Variants in MALRD1 observed in about 807,000 individuals in gnomAD.
MALRD1 encodes the protein MAM and LDL-receptor class A domain-containing protein 1.
Under a neutral mutation model 242.1 loss-of-function variants are expected in MALRD1, and 247 were observed. The observed-to-expected ratio is 1.02, with a 90% CI of 0.92 to 1.13. The LOEUF is 1.13. Ranked by LOEUF, MALRD1 falls within the 50% of genes most tolerant of loss-of-function variation. The pLI is 0.00. For synonymous variants in MALRD1, 995 were observed against 866.6 expected, an observed-to-expected ratio of 1.15 and a Z score of -2.60; for missense variants, 2,989 against 2,533.1, an observed-to-expected ratio of 1.18 and a Z score of -3.86.
At chr10:19,189,714 G>A (rs1252814268) in intron 14 of MALRD1, among the ~76,000 whole-genome samples, 1 of 151,868 alleles carries the variant, frequency 6.6e-6, no homozygotes, top group African/African-American at 2.4e-5. Flanking sequence ...AAAAAAACAC[G>A]TGATCACCTC....
At chr10:19,612,803 A>C (rs1181684553) in intron 35 of MALRD1, among the ~76,000 whole-genome samples, 1 of 151,766 alleles carries the variant, frequency 6.6e-6, no homozygotes, top group Non-Finnish European at 1.5e-5. Context: ...ATCTCATGAG[A>C]ACTCTATTAT....
intron 33 of MALRD1, among the ~76,000 whole-genome samples, chr10:19,591,466 C>G (rs1837778172): frequency 6.8e-6 from 1 of 147,760 alleles, no homozygotes; most frequent in Admixed American, 6.8e-5. Context: ...GCCACACTTA[C>G]TTCTTTCTTT....
At chr10:19,125,317 C>CT (rs1564407871) in intron 7 of MALRD1, among the ~76,000 whole-genome samples, 198 of 77,804 alleles carry the variant, frequency 2.5e-3, no homozygotes, top group African/African-American at 2.2e-3. Flanking sequence ...TTCCTTCCTT[C>CT]CTTCCTTCTT....
chr10:19,307,423 T>A (rs2131978865), intron 21 of MALRD1, among the ~76,000 whole-genome samples: 1 of 151,690 alleles, frequency 6.6e-6, no homozygotes, highest in East Asian at 2.0e-4. Context: ...AGAGCTGAGC[T>A]GAATACAGCT....
intron 29 of MALRD1, among the ~76,000 whole-genome samples, chr10:19,490,320 G>T (rs1350865713): frequency 6.6e-6 from 1 of 151,922 alleles, no homozygotes; most frequent in Non-Finnish European, 1.5e-5. Flanking sequence ...CACAATGTCT[G>T]TTACAATAAA....
Position 19,115,454 on chromosome 10 carries a change from C to T in MALRD1, c.695-8038C>T, listed in dbSNP as rs145065972. 8.9e-3 allele frequency among the ~76,000 whole-genome samples: 1,355 copies of T among 151,622 alleles called. 21 individuals are homozygous for T. The highest frequency in any genetic ancestry group is 0.031 in the African/African-American group (1,297 of 41,314). ...TTTTTTTTTTAAAAGTAAAAAACAACTCATAGAGCTGAATACTGGAAAATA... is the reference window on the plus strand; with the variant it reads ...TTTTTTTTTTAAAAGTAAAAAACAATTCATAGAGCTGAATACTGGAAAATA... On this transcript the variant is annotated intron_variant, in intron 5 of 39. Coordinates refer to ENST00000454679, the MANE Select transcript of MALRD1 (RefSeq NM_001142308.3).
At chr10:19,712,341 G>C (rs1162684796) in intron 38 of MALRD1, among the ~76,000 whole-genome samples, 1 of 152,084 alleles carries the variant, frequency 6.6e-6, no homozygotes, top group South Asian at 2.1e-4. Context: ...ATAACTACAA[G>C]AAAATGCAGT....
intron 33 of MALRD1, among the ~76,000 whole-genome samples, 194 bp from the exon 34 acceptor site, chr10:19,595,000 A>C (rs954105094): frequency 1.3e-5 from 2 of 152,178 alleles, no homozygotes; most frequent in Admixed American, 6.5e-5. Context: ...ATAATTTTTT[A>C]TGTTCCTGAC....
In MALRD1 at chr10:19,615,883, G is replaced by C. The variant is rs1589311508; in HGVS notation, c.6097G>C (p.Gly2033Arg). The C allele has an allele frequency of 6.5e-7, 1 of 1,531,656 alleles. No individual in the cohort carries two copies. The allele number at this position is 1,531,656 out of a possible 1,614,324, so 94.9% of individuals were successfully genotyped here. A position where few individuals can be genotyped will look rare whatever the true frequency, so the allele number is the denominator to read the frequency against. The change falls in exon 36 of 40, where the codon GGT becomes CGT. Residue 2033 changes from glycine to arginine, a missense_variant. Gly to Arg is a moderately radical substitution (Grantham distance 125, BLOSUM62 -2). Coordinates refer to ENST00000454679, the MANE Select transcript of MALRD1 (RefSeq NM_001142308.3). Reference protein sequence around the residue: ...SECPLNYCRNGGTCVVEKNGP... With the variant: ...SECPLNYCRNRGTCVVEKNGP... Reference sequence around the variant, plus strand: ...ATGTCCATTAAATTACTGCAGAAATGGTGGGACTTGTGTAGTGGAGAAAAA... The same window carrying C: ...ATGTCCATTAAATTACTGCAGAAATCGTGGGACTTGTGTAGTGGAGAAAAA...
At chr10:19,444,206 G>A (rs113925963) in intron 28 of MALRD1, among the ~76,000 whole-genome samples, 10,284 of 152,006 alleles carry the variant, frequency 0.068, 954 homozygotes, top group African/African-American at 0.21. Context: ...GTGTGTCTCT[G>A]CACATAAGAT....
intron 21 of MALRD1, among the ~76,000 whole-genome samples, chr10:19,294,878 A>G (rs1230337728): frequency 6.6e-6 from 1 of 152,108 alleles, no homozygotes; most frequent in African/African-American, 2.4e-5. Context: ...CCATAATCCT[A>G]CTATCATGAT....
chr10:19,384,531 T>C (rs1320097049), intron 26 of MALRD1, among the ~76,000 whole-genome samples: 1 of 119,432 alleles, frequency 8.4e-6, no homozygotes, highest in East Asian at 2.1e-4. Flanking sequence ...ATAGTGTATA[T>C]AATATATTTA....
intron 38 of MALRD1, among the ~76,000 whole-genome samples, chr10:19,697,328 A>G (rs1046425309): frequency 6.6e-6 from 1 of 152,112 alleles, no homozygotes; most frequent in Non-Finnish European, 1.5e-5. Flanking sequence ...AGAGTTTTGC[A>G]TCTCAGTCTT....
At chr10:19,463,128 T>A (rs1007264215) in intron 29 of MALRD1, among the ~76,000 whole-genome samples, 1 of 152,144 alleles carries the variant, frequency 6.6e-6, no homozygotes, top group Non-Finnish European at 1.5e-5. Flanking sequence ...TACCACAATT[T>A]CTTATAAGGT....
Position 19,548,181 on chromosome 10 carries a change from T to A in MALRD1, c.5478+16830T>A, listed in dbSNP as rs180891923. Among the ~76,000 whole-genome samples the A allele has an allele frequency of 5.5e-3, 826 of 151,494 alleles. 3 individuals are homozygous for A. Among genetic ancestry groups the A allele is most frequent in the Non-Finnish European group, 8.1e-3 (547 of 67,862 alleles). On this transcript the variant is annotated intron_variant, in intron 32 of 39. Coordinates refer to ENST00000454679, the MANE Select transcript of MALRD1 (RefSeq NM_001142308.3). ...CCCCTGGCTAATTTTGTATTTTTAC[T>A]AAAGATGGGGTTTCACCATGTTGGT...
At chr10:19,727,773 T>G (rs1835103149) in intron 38 of MALRD1, among the ~76,000 whole-genome samples, 1 of 151,830 alleles carries the variant, frequency 6.6e-6, no homozygotes, top group Non-Finnish European at 1.5e-5. Context: ...ATTGCATTTT[T>G]TTTTTTTTGG....
At chr10:19,175,021 T>C (rs536806300) in intron 13 of MALRD1, among the ~76,000 whole-genome samples, 187 bp from the exon 14 acceptor site, 5 of 152,224 alleles carry the variant, frequency 3.3e-5, no homozygotes, top group Non-Finnish European at 7.4e-5. Context: ...TTAAGGTACA[T>C]AAGATGCTGT....
chr10:19,504,231 A>G (rs113816242), intron 31 of MALRD1, among the ~76,000 whole-genome samples: 15 of 152,324 alleles, frequency 9.8e-5, no homozygotes, highest in African/African-American at 3.6e-4. Flanking sequence ...CTCAACCCGT[A>G]AAATGAGTAG....
chr10:19,713,172 T>A (rs11011218), intron 38 of MALRD1, among the ~76,000 whole-genome samples: 1 of 25,692 alleles, frequency 3.9e-5, no homozygotes, highest in East Asian at 1.4e-3. Flanking sequence ...AGCCACACAT[T>A]AAAAAAAGAA....
Sources: gnomAD v4.1 joint callset for allele counts (sites outside exome capture counted in the v4.1 genomes callset) on GRCh38, gnomAD v4.1.1 for gene constraint, MANE v1.5 for transcripts, NCBI Gene and HGNC (gene_info 2026-07-23, HGNC 2026-07-21) for gene names.